Variants in USP1 observed in about 807,000 individuals in gnomAD.
USP1 encodes the protein ubiquitin specific peptidase 1.
Under a neutral mutation model 72.2 loss-of-function variants are expected in USP1, and 18 were observed. That is an observed-to-expected ratio of 0.25 (90% confidence interval 0.17 to 0.37). The LOEUF (loss-of-function observed/expected upper bound fraction) is 0.37, where lower values mean the gene tolerates loss of function less well. Ranked by LOEUF, USP1 falls within the 10% of genes least tolerant of loss-of-function variation. USP1 has a pLI of 1.00. For synonymous variants in USP1, 354 were observed against 303.7 expected (o/e 1.17, Z -1.72); for missense variants, 759 against 884.9 (o/e 0.86, Z 1.81).
rs1033791643 is a variant in USP1 at position 62,442,358 on chromosome 1, T to C, written c.396+59T>C. On this transcript the variant is annotated intron_variant, in intron 4 of 8. Coordinates refer to ENST00000339950, the MANE Select transcript of USP1 (RefSeq NM_003368.5). Reference sequence around the variant, plus strand: ...AAGCAAAAGTAAATTAATGGAAATTTACTTGCCTGGAAATGAAGAGGACTG... The same window carrying C: ...AAGCAAAAGTAAATTAATGGAAATTCACTTGCCTGGAAATGAAGAGGACTG... 59 of 1,291,704 alleles carry C rather than the reference T, an allele frequency of 4.6e-5. No individual in the cohort carries two copies. In the South Asian group the frequency reaches 6.4e-4, roughly 14 times the overall value. The allele number at this position is 1,291,704 out of a possible 1,614,324, so 80.0% of individuals were successfully genotyped here. A position where few individuals can be genotyped will look rare whatever the true frequency, so the allele number is the denominator to read the frequency against.
At chr1:62,443,883 A>AATAC (rs1645150696) in intron 5 of USP1, among the ~76,000 whole-genome samples, 1 of 152,168 alleles carries the variant, frequency 6.6e-6, no homozygotes, top group East Asian at 1.9e-4. Flanking sequence ...TTCAAATACA[A>AATAC]TTATAGGGCA....
At chr1:62,437,047 A>T (rs1187441855), upstream of USP1, 1 of 398,468 alleles carries the variant, frequency 2.5e-6, no homozygotes, top group Non-Finnish European at 4.4e-6. Context: ...CCTGAGACTG[A>T]GGAAAACGCG....
chr1:62,448,406 G>A (rs1645191509), intron 7 of USP1, 59 bp from the exon 8 acceptor site: 1 of 1,512,746 alleles, frequency 6.6e-7, no homozygotes, highest in Non-Finnish European at 9.0e-7. Context: ...CTGAAACTTT[G>A]TGGTTTATTT....
chr1:62,450,791 G>C lies in USP1; in HGVS notation c.2168G>C (p.Gly723Ala). The C allele has an allele frequency of 6.2e-7, 1 of 1,613,908 alleles. No individual in the cohort carries two copies. The highest frequency in any genetic ancestry group is 8.5e-7 in the Non-Finnish European group (1 of 1,179,946). ...AACAAGGAATCCAGTGACCAAACAG[G>C]CATTAATATTAGTGGATTTGAGAAC... ...DRNKESSDQT[G>A]INISGFENKI... The change falls in exon 9 of 9, where the codon GGC becomes GCC. Residue 723 changes from glycine (G) to alanine (A), a missense_variant. Gly to Ala is a moderately conservative substitution (Grantham distance 60). This residue lies in a region of USP1 where 159 missense variants were observed against 140.9 expected (regional missense o/e 1.13). Coordinates refer to ENST00000339950, the MANE Select transcript of USP1 (RefSeq NM_003368.5).
chr1:62,450,435 C>T lies in USP1; in HGVS notation c.1812C>T (p.Asn604=), dbSNP rs1490353611. 2 of 1,614,088 alleles carry T rather than the reference C, an allele frequency of 1.2e-6. No individual in the cohort carries two copies. Among genetic ancestry groups the T allele is most frequent in the Non-Finnish European group, 1.7e-6 (2 of 1,180,026 alleles). Residue 604 remains asparagine (N), a synonymous_variant, in exon 9 of 9, where the codon AAC becomes AAT. Coordinates refer to ENST00000339950, the MANE Select transcript of USP1 (RefSeq NM_003368.5). ...CTTCTGTTAAAGTCACTGACCTTAACAGTTTAGAACTAGATAAAGGAAATT... is the reference window on the plus strand; with the variant it reads ...CTTCTGTTAAAGTCACTGACCTTAATAGTTTAGAACTAGATAAAGGAAATT... The part of the protein sequence containing the change: ...YTASVKVTDL[N]SLELDKGNFV...
chr1:62,449,999 TA>T (rs1014130693), intron 8 of USP1, among the ~76,000 whole-genome samples: 1 of 151,958 alleles, frequency 6.6e-6, no homozygotes. Context: ...ATTAGGAAAA[TA>T]AAGGAAAAAA....
intron 8 of USP1, among the ~76,000 whole-genome samples, chr1:62,449,273 G>A (rs1327537748): frequency 6.6e-6 from 1 of 152,058 alleles, no homozygotes; most frequent in Non-Finnish European, 1.5e-5. Context: ...AACAAATTTT[G>A]TATACATCAA....
In USP1 at chr1:62,444,887, T is replaced by C; in HGVS notation, c.707T>C (p.Ile236Thr). Residue 236 changes from isoleucine to threonine, a missense_variant, in exon 6 of 9, where the codon ATA (isoleucine) becomes ACA (threonine). By Grantham distance (89) the Ile-to-Thr change is moderately conservative. Around this residue, in one of 9 missense-constraint regions of USP1, gnomAD observed 245 missense variants for 240.7 expected, o/e 1.02. Coordinates refer to ENST00000339950, the MANE Select transcript of USP1 (RefSeq NM_003368.5). Reference sequence around the variant, plus strand: ...GAATTACCTACTAAGGTAGAAGAAATACCTCATCCGAAAGAGGAAATGAAT... The same window carrying C: ...GAATTACCTACTAAGGTAGAAGAAACACCTCATCCGAAAGAGGAAATGAAT... ...VAELPTKVEE[I>T]PHPKEEMNGI... The C allele has an allele frequency of 6.2e-7, 1 of 1,613,398 alleles. No homozygotes were observed.
intron 3 of USP1, 109 bp downstream of exon 3, chr1:62,441,717 TTTGA>T (rs1463180367): frequency 7.8e-7 from 1 of 1,277,944 alleles, no homozygotes; most frequent in South Asian, 1.7e-5. Flanking sequence ...TGTCTTTGCC[TTTGA>T]TTGTTAATAA....
At position 62,445,350 on chromosome 1, in the gene USP1, A is replaced by C. The variant is rs781287112; in HGVS notation, c.1170A>C (p.Thr390=). The C allele has an allele frequency of 2.5e-6, 4 of 1,611,140 alleles. No homozygotes were observed. The highest frequency in any genetic ancestry group is 4.5e-5 in the East Asian group (2 of 44,830). ...TGGGGAAGTGTGAAAGTGATAACAC[A>C]ACTAATGGTTGTGGACTTGAATCTC... ...EDLGKCESDN[T]TNGCGLESPG... The change falls in exon 6 of 9, where the codon ACA becomes ACC. Residue 390 remains threonine (T), a synonymous_variant. Transcript: ENST00000339950.
At chr1:62,441,451 G>A (rs202023996) in intron 2 of USP1, 37 bp from the exon 3 acceptor site, 17 of 1,538,874 alleles carry the variant, frequency 1.1e-5, no homozygotes, top group Non-Finnish European at 1.4e-5. Flanking sequence ...GTTTCTTTAA[G>A]ATAACTACTT....
chr1:62,438,487 A>C (rs568192331), intron 1 of USP1, among the ~76,000 whole-genome samples: 34 of 152,318 alleles, frequency 2.2e-4, no homozygotes, highest in African/African-American at 8.2e-4. Flanking sequence ...ATGAATTCCT[A>C]GATCAGTGTC....
chr1:62,445,486 A>G, intron 6 of USP1, 57 bp downstream of exon 6: 2 of 1,415,202 alleles, frequency 1.4e-6, no homozygotes, highest in Non-Finnish European at 9.4e-7. Context: ...CAGAATTAGA[A>G]TTTTCTCTTC....
At chr1:62,440,737 G>A (rs1645127139) in intron 2 of USP1, among the ~76,000 whole-genome samples, 1 of 152,086 alleles carries the variant, frequency 6.6e-6, no homozygotes, top group Admixed American at 6.5e-5. Flanking sequence ...TCATACTTCT[G>A]AATACTTTGA....
In USP1 at chr1:62,437,192, G is replaced by A; in HGVS notation, c.-278G>A. 1 of 398,838 alleles carries A rather than the reference G, an allele frequency of 2.5e-6. No homozygotes were observed. The highest frequency in any genetic ancestry group is 3.6e-5 in the East Asian group (1 of 28,046). 24.7% of individuals were successfully genotyped at this position (398,838 alleles called of 1,614,324 possible). A position where few individuals can be genotyped will look rare whatever the true frequency, so the allele number is the denominator to read the frequency against. Reference sequence around the variant, plus strand: ...GCGCCGCTCCCGGGATGTAGTTGGTGTTGGTGCAAGACGGGAGCGAGCGGC... The same window carrying A: ...GCGCCGCTCCCGGGATGTAGTTGGTATTGGTGCAAGACGGGAGCGAGCGGC... On this transcript the variant is annotated 5_prime_UTR_variant, in exon 1 of 9. Transcript: ENST00000339950.
At position 62,437,291 on chromosome 1, in the gene USP1, G is replaced by A. The variant is rs1645095983; in HGVS notation, c.-179G>A. 1 of 397,302 alleles carries A rather than the reference G, an allele frequency of 2.5e-6. No homozygotes were observed. The highest frequency in any genetic ancestry group is 4.4e-6 in the Non-Finnish European group (1 of 225,670). 24.6% of individuals were successfully genotyped at this position (397,302 alleles called of 1,614,324 possible). A position where few individuals can be genotyped will look rare whatever the true frequency, so the allele number is the denominator to read the frequency against. ...GGGCGAGCCGACCAGATTTTCCTGG[G>A]GCCGGGGACCCGGCGGGCTCGGGGC... On this transcript the variant is annotated 5_prime_UTR_variant, in exon 1 of 9. Coordinates refer to ENST00000339950, the MANE Select transcript of USP1 (RefSeq NM_003368.5).
intron 8 of USP1, among the ~76,000 whole-genome samples, chr1:62,449,773 G>A (rs1208551843): frequency 6.6e-6 from 1 of 151,844 alleles, no homozygotes; most frequent in African/African-American, 2.4e-5. Context: ...CTAGTTTGGC[G>A]TGGTGGCGGG....
chr1:62,441,403 G>A, intron 2 of USP1, 85 bp from the exon 3 acceptor site: 1 of 1,386,098 alleles, frequency 7.2e-7, no homozygotes, highest in Non-Finnish European at 9.5e-7. Flanking sequence ...ACAACTTTTG[G>A]GAAAAGACTA....
At position 62,448,665 on chromosome 1, in the gene USP1, G is replaced by A; in HGVS notation, c.1621G>A (p.Glu541Lys). ...GAAGTGCTTTGCTGCTAGTGGTTTG[G>A]AGTAAGTATTGTAAATAAGAACTAT... Reference protein sequence around the residue: ...HLKCFAASGLEFDCYGGGLSK... With the variant: ...HLKCFAASGLKFDCYGGGLSK... The change falls in exon 8 of 9, where the codon GAG (glutamate) becomes AAG (lysine). Residue 541 changes from glutamate (E) to lysine (K), a missense_variant and splice_region_variant. Glu to Lys is a moderately conservative substitution (Grantham distance 56). Transcript: ENST00000339950. The A allele has an allele frequency of 6.2e-7, 1 of 1,612,124 alleles. No homozygotes were observed. Among genetic ancestry groups the A allele is most frequent in the South Asian group, 1.1e-5 (1 of 90,950 alleles).
Sources: allele counts gnomAD v4.1 joint callset (sites outside exome capture counted in the v4.1 genomes callset), GRCh38; gene constraint gnomAD v4.1.1; regional missense constraint gnomAD v4.1.1; transcripts MANE v1.5; gene names NCBI Gene and HGNC (gene_info 2026-07-23, HGNC 2026-07-21).